Variants in AFF3 observed in about 807,000 individuals in gnomAD.
AFF3 encodes the protein AF4/FMR2 family member 3.
A neutral mutation model predicts 129.7 loss-of-function variants in AFF3; 32 were observed. The observed-to-expected ratio is 0.25, with a 90% CI of 0.19 to 0.33. The LOEUF (loss-of-function observed/expected upper bound fraction) is 0.33. AFF3 is among the 10% of genes least tolerant of loss of function. The probability of loss-of-function intolerance (pLI) is 1.00; values close to 1 mark genes in which losing one functional copy is unlikely to be tolerated. For missense variants in AFF3, 1,373 were observed against 1,592.0 expected, an observed-to-expected ratio of 0.86 and a Z score of 2.34; for synonymous variants, 644 against 635.4, an observed-to-expected ratio of 1.01 and a Z score of -0.20.
At chr2:99,651,384 C>A (rs538876932) in intron 12 of AFF3, among the ~76,000 whole-genome samples, 1 of 151,896 alleles carries the variant, frequency 6.6e-6, no homozygotes, top group South Asian at 2.1e-4. Flanking sequence ...CAGCATGCAC[C>A]GGGAAACAAG....
Position 99,819,962 on chromosome 2 carries a change from T to C in AFF3, c.921+17515A>G, listed in dbSNP as rs1009665307. The stretch of plus-strand genomic sequence containing the variant: ...TGCCTCCACCAGGAGGTGCCAGTCA[T>C]CATAGAGCTCCATGGAAGGCAGCAC... On this transcript the variant is annotated intron_variant, in intron 8 of 24. Coordinates refer to ENST00000672756, the MANE Select transcript of AFF3 (RefSeq NM_001386135.1). Among the ~76,000 whole-genome samples the C allele has an allele frequency of 2.6e-5, 4 of 152,186 alleles. 1 individual carries two copies. The highest frequency in any genetic ancestry group is 5.9e-5 in the Non-Finnish European group (4 of 68,036).
rs566219998 is a variant in AFF3, at chr2:100,142,225, C to T, written c.-228+259G>A. On this transcript the variant is annotated intron_variant, in intron 1 of 24. Coordinates refer to ENST00000672756, the MANE Select transcript of AFF3 (RefSeq NM_001386135.1). ...GCACCCTCTACCACACACACACACA[C>T]ACATGCACACGCACACACACTGACG... Among the ~76,000 whole-genome samples, 16 of 152,244 alleles carry T rather than the reference C, an allele frequency of 1.1e-4. No individual in the cohort carries two copies. In the South Asian group the frequency reaches 1.7e-3, roughly 16 times the overall value.
Position 100,104,785 on chromosome 2 carries a change from G to A in AFF3, c.-64-267C>T, listed in dbSNP as rs1206862749. 2.5e-5 allele frequency: 21 copies of A among 830,154 alleles called. No individual in the cohort carries two copies. The African/African-American group carries it at 5.6e-4, about 22-fold the overall frequency. 51.4% of individuals were successfully genotyped at this position (830,154 alleles called of 1,614,324 possible). A position where few individuals can be genotyped will look rare whatever the true frequency, so the allele number is the denominator to read the frequency against. On this transcript the variant is annotated intron_variant, in intron 3 of 24. Transcript: ENST00000672756. ...CTCCTCCCCTCCCTCGCGGCGGCCC[G>A]GCCCGCTGCTGCAGCCGCCGCCGCC...
chr2:99,743,996 A>T, intron 10 of AFF3, 108 bp downstream of exon 10: 1 of 969,834 alleles, frequency 1.0e-6, no homozygotes, highest in Non-Finnish European at 1.5e-6. Flanking sequence ...TTTTTAGTGA[A>T]TTTCTTTGAA....
chr2:99,788,184 G>A (rs1300034349), intron 8 of AFF3, among the ~76,000 whole-genome samples: 1 of 152,134 alleles, frequency 6.6e-6, no homozygotes, highest in Non-Finnish European at 1.5e-5. Context: ...ACAGGTTTAT[G>A]TATTTACTAC....
chr2:100,034,166 T>G (rs561710234), intron 4 of AFF3, among the ~76,000 whole-genome samples: 1 of 152,334 alleles, frequency 6.6e-6, no homozygotes, highest in Admixed American at 6.5e-5. Context: ...CCAAAGGCTT[T>G]CCCGCATGAC....
intron 10 of AFF3, among the ~76,000 whole-genome samples, chr2:99,741,482 G>C (rs529443294): frequency 1.3e-5 from 2 of 152,200 alleles, no homozygotes; most frequent in South Asian, 4.2e-4. Flanking sequence ...GCTTGAAAGA[G>C]AATAAAATAC....
At position 99,550,829 on chromosome 2, in the gene AFF3, G is replaced by A. The variant is rs1674354548; in HGVS notation, c.*645C>T. On this transcript the variant is annotated 3_prime_UTR_variant, in exon 25 of 25. Coordinates refer to ENST00000672756, the MANE Select transcript of AFF3 (RefSeq NM_001386135.1). ...ATTTAGTTGATAATAGAGTCAGATG[G>A]GGGAAGGGAATTAGAGGAAGAGCAG... 1 of 236,170 alleles carries A rather than the reference G, an allele frequency of 4.2e-6. No individual in the cohort carries two copies. The highest frequency in any genetic ancestry group is 1.8e-4 in the South Asian group (1 of 5,558). The allele number at this position is 236,170 out of a possible 1,614,324, so 14.6% of individuals were successfully genotyped here.
In AFF3 at chr2:100,057,849, G is replaced by A. The variant is rs143413063; in HGVS notation, c.53+46553C>T. On this transcript the variant is annotated intron_variant, in intron 4 of 24. Transcript: ENST00000672756. Reference sequence around the variant, plus strand: ...AGCTGCTCTGGAAAGAAATGCAAACGTGTATTCCATGAATCCCTCAGCAAC... The same window carrying A: ...AGCTGCTCTGGAAAGAAATGCAAACATGTATTCCATGAATCCCTCAGCAAC... 9.3e-4 allele frequency among the ~76,000 whole-genome samples: 141 copies of A among 152,312 alleles called. 2 individuals are homozygous for A. The highest frequency in any genetic ancestry group is 3.4e-3 in the Middle Eastern group (1 of 294).
At chr2:100,025,844 A>G (rs1573167305) in intron 4 of AFF3, among the ~76,000 whole-genome samples, 1 of 152,234 alleles carries the variant, frequency 6.6e-6, no homozygotes, top group African/African-American at 2.4e-5. Flanking sequence ...CTGGCTAGCC[A>G]GATGTAGGAG....
chr2:100,117,663 T>C (rs143491061), intron 2 of AFF3, among the ~76,000 whole-genome samples: 127 of 152,352 alleles, frequency 8.3e-4, no homozygotes, highest in African/African-American at 2.9e-3. Flanking sequence ...TCCTTGTAGC[T>C]AGTTATTTCG....
intron 4 of AFF3, among the ~76,000 whole-genome samples, chr2:100,057,905 T>A (rs1686939725): frequency 1.3e-5 from 2 of 152,208 alleles, no homozygotes; most frequent in South Asian, 4.1e-4. Context: ...TAAACTATTA[T>A]TCTTCATGGT....
Position 99,791,428 on chromosome 2 carries a change from C to T in AFF3, c.922-39127G>A, listed in dbSNP as rs113440872. ...TAGATACTTGCTTTATTGCACTGTTCGGGGAATAATGACAAGAAAGATAGT... is the reference window on the plus strand; with the variant it reads ...TAGATACTTGCTTTATTGCACTGTTTGGGGAATAATGACAAGAAAGATAGT... On this transcript the variant is annotated intron_variant, in intron 8 of 24. Transcript: ENST00000672756. 1.0e-3 allele frequency among the ~76,000 whole-genome samples: 152 copies of T among 152,212 alleles called. 1 individual carries two copies. The highest frequency in any genetic ancestry group is 3.4e-3 in the African/African-American group (143 of 41,522).
intron 4 of AFF3, 68 bp from the exon 5 acceptor site, chr2:100,009,000 T>C (rs2104754503): frequency 6.4e-7 from 1 of 1,572,860 alleles, no homozygotes; most frequent in Non-Finnish European, 8.6e-7. Context: ...AATGTAACAC[T>C]TGTGTGAGTG....
At chr2:99,691,660 C>T (rs1307317766) in intron 11 of AFF3, among the ~76,000 whole-genome samples, 1 of 152,170 alleles carries the variant, frequency 6.6e-6, no homozygotes, top group Non-Finnish European at 1.5e-5. Context: ...TCAAAAGAGT[C>T]TTAAGTAAAG....
intron 13 of AFF3, among the ~76,000 whole-genome samples, chr2:99,627,937 C>T (rs1181134561): frequency 2.5e-5 from 1 of 39,644 alleles, no homozygotes; most frequent in Non-Finnish European, 4.6e-5. Context: ...GTTTTTGTAC[C>T]AGTACCCATG....
chr2:99,667,111 T>C (rs552641163), intron 12 of AFF3, among the ~76,000 whole-genome samples: 1 of 152,232 alleles, frequency 6.6e-6, no homozygotes, highest in East Asian at 1.9e-4. Context: ...CTATAAAACA[T>C]ATACCAATAC....
chr2:100,100,704 G>C (rs1690660407), intron 4 of AFF3, among the ~76,000 whole-genome samples: 2 of 152,168 alleles, frequency 1.3e-5, no homozygotes, highest in South Asian at 4.1e-4. Flanking sequence ...ACCAGCACAA[G>C]GTCTTCTACT....
intron 7 of AFF3, among the ~76,000 whole-genome samples, chr2:99,929,201 C>A (rs1467537045): frequency 6.6e-6 from 1 of 152,112 alleles, no homozygotes; most frequent in African/African-American, 2.4e-5. Flanking sequence ...GTGGCACATG[C>A]CTGTAATCCC....
Sources: allele counts gnomAD v4.1 joint callset (sites outside exome capture counted in the v4.1 genomes callset), GRCh38; gene constraint gnomAD v4.1.1; transcripts MANE v1.5; gene names NCBI Gene and HGNC (gene_info 2026-07-23, HGNC 2026-07-21).